GABRP: variants seen among roughly 807,000 people sequenced by gnomAD.
GABRP encodes gamma-aminobutyric acid type A receptor subunit pi.
In GABRP, 52 loss-of-function variants were observed where a neutral mutation model predicts 47.8. That is an observed-to-expected ratio of 1.09 (90% CI 0.87 to 1.37). GABRP has a LOEUF of 1.37. Ranked by LOEUF, GABRP falls within the 40% of genes most tolerant of loss-of-function variation. The probability of loss-of-function intolerance (pLI) is 0.00; values close to 1 mark genes in which losing one functional copy is unlikely to be tolerated. For synonymous variants in GABRP, 221 were observed against 205.8 expected (o/e 1.07, Z -0.63); for missense variants, 525 against 542.8 (o/e 0.97, Z 0.33).
rs1261392229 is a variant in GABRP, at chr5:170,794,335, CCT to C, written c.240+42_240+43del. The C allele has an allele frequency of 1.2e-5, 16 of 1,322,068 alleles. No homozygotes were observed. In the African/African-American group the frequency reaches 2.4e-4, roughly 20 times the overall value. The allele number at this position is 1,322,068 out of a possible 1,614,324, so 81.9% of individuals were successfully genotyped here. On this transcript the variant is annotated intron_variant, in intron 4 of 9. Transcript: ENST00000265294. The stretch of plus-strand genomic sequence containing the variant: ...TCCTTTGTACTCTACCCAAGTAGTC[CCT>C]CTCTGTGTGTTTAAAGGGGATATGC...
intron 4 of GABRP, chr5:170,794,516 G>A (rs1031155158): frequency 1.9e-5 from 7 of 369,610 alleles, no homozygotes; most frequent in Non-Finnish European, 3.4e-5. Context: ...GAAGATTCTT[G>A]TAGAGCAGAT....
At chr5:170,798,844 CA>C (rs1288415615) in intron 6 of GABRP, among the ~76,000 whole-genome samples, 1 of 151,840 alleles carries the variant, frequency 6.6e-6, no homozygotes, top group Non-Finnish European at 1.5e-5. Context: ...ATGTGCACAA[CA>C]TGCAGGTTTG....
intron 3 of GABRP, among the ~76,000 whole-genome samples, chr5:170,792,061 AC>A: frequency 6.6e-6 from 1 of 152,214 alleles, no homozygotes; most frequent in Non-Finnish European, 1.5e-5. Context: ...TAACACTCTT[AC>A]AATGGCAATT....
intron 6 of GABRP, among the ~76,000 whole-genome samples, chr5:170,802,706 T>C (rs1406327131): frequency 6.6e-6 from 1 of 151,328 alleles, no homozygotes; most frequent in Non-Finnish European, 1.5e-5. Flanking sequence ...GAGTTTTCTC[T>C]GTTCAGCCTC....
chr5:170,799,956 A>G (rs980340903), intron 6 of GABRP, among the ~76,000 whole-genome samples: 3 of 152,198 alleles, frequency 2.0e-5, no homozygotes, highest in Admixed American at 6.5e-5. Context: ...CCATCAAGCT[A>G]CCAATGACTT....
chr5:170,787,185 A>T (rs1249528135), intron 1 of GABRP, among the ~76,000 whole-genome samples: 1 of 152,238 alleles, frequency 6.6e-6, no homozygotes, highest in Non-Finnish European at 1.5e-5. Context: ...CCATTTCAAC[A>T]GTGAGCGAGT....
chr5:170,799,367 C>T (rs143326758), intron 6 of GABRP, among the ~76,000 whole-genome samples: 1,801 of 152,324 alleles, frequency 0.012, 38 homozygotes, highest in African/African-American at 0.04. Context: ...CTGTCTTCCA[C>T]AGTGGTTGAA....
intron 6 of GABRP, among the ~76,000 whole-genome samples, chr5:170,799,172 G>A (rs1581598856): frequency 1.3e-5 from 2 of 152,120 alleles, no homozygotes; most frequent in East Asian, 3.8e-4. Context: ...TCTTAATCCA[G>A]TCTATCATTG....
intron 6 of GABRP, among the ~76,000 whole-genome samples, chr5:170,805,255 T>C (rs1335071453): frequency 6.6e-6 from 1 of 152,074 alleles, no homozygotes; most frequent in African/African-American, 2.4e-5. Context: ...ACGTGCATTT[T>C]TACAGGCTTT....
chr5:170,805,329 G>A (rs1453448714), intron 6 of GABRP, among the ~76,000 whole-genome samples: 4 of 152,100 alleles, frequency 2.6e-5, no homozygotes, highest in African/African-American at 9.7e-5. Context: ...GAACAGATCA[G>A]TTCTTAAGTC....
chr5:170,811,206 A>G (rs1476768349), intron 9 of GABRP, among the ~76,000 whole-genome samples: 1 of 147,806 alleles, frequency 6.8e-6, no homozygotes, highest in African/African-American at 2.5e-5. Context: ...TAAAATTGGG[A>G]TAATAATGGT....
At chr5:170,802,727 A>G (rs981259387) in intron 6 of GABRP, among the ~76,000 whole-genome samples, 2 of 150,514 alleles carry the variant, frequency 1.3e-5, no homozygotes, top group Non-Finnish European at 3.0e-5. Flanking sequence ...TGTTTCACAT[A>G]TACCATCCCC....
chr5:170,801,348 T>C (rs1449046359), intron 6 of GABRP, among the ~76,000 whole-genome samples: 3 of 152,236 alleles, frequency 2.0e-5, no homozygotes, highest in Non-Finnish European at 2.9e-5. Context: ...TGAAAATCTT[T>C]TAATACCTCC....
chr5:170,788,760 A>G lies in GABRP; in HGVS notation c.53+92A>G, dbSNP rs932564804. 4.8e-6 allele frequency: 6 copies of G among 1,241,502 alleles called. No homozygotes were observed. In the East Asian group the frequency reaches 1.4e-4, roughly 29 times the overall value. The allele number at this position is 1,241,502 out of a possible 1,614,324, so 76.9% of individuals were successfully genotyped here. On this transcript the variant is annotated intron_variant, in intron 2 of 9. Transcript: ENST00000265294. ...GGGGCAGCTCCTCCTATTCACCCACAGCAAGGCAAAACCCGGTCCACTCAC... is the reference window on the plus strand; with the variant it reads ...GGGGCAGCTCCTCCTATTCACCCACGGCAAGGCAAAACCCGGTCCACTCAC...
chr5:170,812,130 A>G lies in GABRP; in HGVS notation c.1195A>G (p.Met399Val). 6.2e-7 allele frequency: 1 copy of G among 1,614,184 alleles called. No homozygotes were observed. Among genetic ancestry groups the G allele is most frequent in the Non-Finnish European group, 8.5e-7 (1 of 1,180,030 alleles). ...DKFKFVFREK[M>V]GRIVDYFTIQ... is the part of the protein sequence containing the mutation. ...GTTCAAGTTTGTCTTCCGAGAAAAGATGGGCAGGATTGTTGATTATTTCAC... is the reference window on the plus strand; with the variant it reads ...GTTCAAGTTTGTCTTCCGAGAAAAGGTGGGCAGGATTGTTGATTATTTCAC... The change falls in exon 10 of 10, where the codon ATG (methionine) becomes GTG (valine). Residue 399 changes from methionine (M) to valine (V), a missense_variant. Transcript: ENST00000265294.
At chr5:170,806,772 A>T (rs767181853) in intron 7 of GABRP, among the ~76,000 whole-genome samples, 1 of 152,194 alleles carries the variant, frequency 6.6e-6, no homozygotes, top group Non-Finnish European at 1.5e-5. Flanking sequence ...CCTAGGTGAC[A>T]TTAAAAATCA....
intron 5 of GABRP, 144 bp from the exon 6 acceptor site, chr5:170,797,322 C>T: frequency 4.7e-6 from 3 of 640,562 alleles, no homozygotes; most frequent in Admixed American, 4.6e-5. Flanking sequence ...CCCAGAGCCT[C>T]AAGGATGCTT....
chr5:170,801,780 A>G (rs1255056247), intron 6 of GABRP, among the ~76,000 whole-genome samples: 1 of 152,116 alleles, frequency 6.6e-6, no homozygotes, highest in Non-Finnish European at 1.5e-5. Context: ...GCAGTCTTCG[A>G]GAACTCTACA....
chr5:170,808,617 G>T lies in GABRP; in HGVS notation c.697G>T (p.Val233Phe), dbSNP rs1032813513. 7.4e-6 allele frequency: 12 copies of T among 1,613,856 alleles called. No homozygotes were observed. Among genetic ancestry groups the T allele is most frequent in the African/African-American group, 1.3e-5 (1 of 74,888 alleles). The change falls in exon 8 of 10, where the codon GTC (valine) becomes TTC (phenylalanine). Residue 233 changes from valine (V) to phenylalanine (F), a missense_variant. Val to Phe is a conservative substitution (Grantham distance 50, BLOSUM62 -1). Transcript: ENST00000265294. ...CCTTTCAGGAAATTACACTAGATTG[G>T]TCTTACAGTTTGAGCTTCGGAGGAA... ...QQETGNYTRL[V>F]LQFELRRNVL... is the part of the protein sequence containing the mutation.
Sources: allele counts gnomAD v4.1 joint callset (sites outside exome capture counted in the v4.1 genomes callset), GRCh38; gene constraint gnomAD v4.1.1; transcripts MANE v1.5; gene names NCBI Gene and HGNC (gene_info 2026-07-23, HGNC 2026-07-21).